The following GLCCI1 variants were observed in gnomAD, a reference collection of about 807,000 sequenced individuals.
GLCCI1 encodes the protein glucocorticoid-induced transcript 1 protein.
A neutral mutation model predicts 52.2 loss-of-function variants in GLCCI1; 24 were observed. The observed-to-expected ratio is 0.46, with a 90% confidence interval of 0.33 to 0.65. GLCCI1 has a LOEUF of 0.65. Ranked by LOEUF, GLCCI1 falls within the 30% of genes least tolerant of loss-of-function variation. GLCCI1 has a pLI of 0.02. For synonymous variants in GLCCI1, 310 were observed against 276.5 expected, an observed-to-expected ratio of 1.12 and a Z score of -1.20; for missense variants, 704 against 701.5, an observed-to-expected ratio of 1.00 and a Z score of -0.04.
chr7:8,002,015 C>A (rs1781058847), intron 1 of GLCCI1, among the ~76,000 whole-genome samples: 1 of 151,910 alleles, frequency 6.6e-6, no homozygotes, highest in Non-Finnish European at 1.5e-5. Flanking sequence ...TTAATGGGTG[C>A]AGCAAACCAA....
intron 1 of GLCCI1, chr7:7,982,027 A>C: frequency 2.2e-6 from 1 of 446,224 alleles, no homozygotes; most frequent in Non-Finnish European, 4.5e-6. Flanking sequence ...AAGAAGAAGA[A>C]AGCTGTTGGG....
chr7:7,972,903 GTT>G (rs1430856618), intron 1 of GLCCI1, among the ~76,000 whole-genome samples: 1 of 152,168 alleles, frequency 6.6e-6, no homozygotes, highest in Non-Finnish European at 1.5e-5. Context: ...CAGACATGGA[GTT>G]TTACAAATTG....
intron 3 of GLCCI1, among the ~76,000 whole-genome samples, chr7:8,040,446 T>C (rs1781972257): frequency 6.6e-6 from 1 of 151,386 alleles, no homozygotes; most frequent in Non-Finnish European, 1.5e-5. Context: ...TCTATGATCA[T>C]GCCACTGCAC....
chr7:8,069,313 A>G (rs1384655752), intron 5 of GLCCI1, among the ~76,000 whole-genome samples: 2 of 152,032 alleles, frequency 1.3e-5, no homozygotes, highest in Non-Finnish European at 2.9e-5. Context: ...CCTGGGGGAG[A>G]CAGACTGACC....
In GLCCI1 at chr7:8,010,923, A is replaced by AT. The variant is rs35809162; in HGVS notation, c.609+6874dup. Among the ~76,000 whole-genome samples, 617 of 150,182 alleles carry AT rather than the reference A, an allele frequency of 4.1e-3. 5 individuals carry two copies. Among genetic ancestry groups the AT allele is most frequent in the African/African-American group, 0.014 (571 of 40,890 alleles). On this transcript the variant is annotated intron_variant, in intron 2 of 7. Coordinates refer to ENST00000223145, the MANE Select transcript of GLCCI1 (RefSeq NM_138426.4). ...CTTATAACATATAAATCCCTACCTC[A>AT]TTTTTTTTTTCTATTTTTTAAGTTG...
rs1554257004 is a variant in GLCCI1 at position 7,969,360 on chromosome 7, G to A, written c.10G>A (p.Ala4Thr). 5 of 1,465,648 alleles carry A rather than the reference G, an allele frequency of 3.4e-6. No individual in the cohort carries two copies. In the Admixed American group the frequency reaches 1.0e-4, roughly 30 times the overall value. 90.8% of individuals were successfully genotyped at this position (1,465,648 alleles called of 1,614,324 possible). A position where few individuals can be genotyped will look rare whatever the true frequency, so the allele number is the denominator to read the frequency against. Residue 4 changes from alanine to threonine, a missense_variant, in exon 1 of 8, where the codon GCC becomes ACC. By Grantham distance (58) the Ala-to-Thr change is moderately conservative (BLOSUM62 0). Transcript: ENST00000223145. This position sits in a 1 kb window ranked among gnomAD's most constrained non-coding sequence, Gnocchi z 4.9. MST[A>T]SSSSSSSSSQ... ...GGCCCGCAGAGCCACCATGTCCACT[G>A]CCTCCTCCTCCTCCTCCTCCAGTTC...
intron 3 of GLCCI1, among the ~76,000 whole-genome samples, chr7:8,036,182 T>A (rs1319466840): frequency 6.6e-6 from 1 of 152,174 alleles, no homozygotes; most frequent in Non-Finnish European, 1.5e-5. Context: ...GGGAATGAGA[T>A]AAACTTCCTG....
chr7:7,969,920 A>G lies in GLCCI1; in HGVS notation c.457+113A>G. ...TGCTAGTGCATTATCGAAGGTGTGA[A>G]AGTGGCTTTGGGAATCTCACCCCCC... On this transcript the variant is annotated intron_variant, in intron 1 of 7. Transcript: ENST00000223145. This position sits in a 1 kb window ranked among gnomAD's most constrained non-coding sequence, Gnocchi z 4.9. 9.0e-7 allele frequency: 1 copy of G among 1,112,120 alleles called. No individual in the cohort carries two copies. 68.9% of individuals were successfully genotyped at this position (1,112,120 alleles called of 1,614,324 possible).
intron 5 of GLCCI1, among the ~76,000 whole-genome samples, chr7:8,065,302 G>C (rs1359839989): frequency 1.3e-5 from 2 of 152,106 alleles, no homozygotes; most frequent in Non-Finnish European, 2.9e-5. Flanking sequence ...GGAGCTTTTG[G>C]GTAGAGACTA....
At chr7:8,019,997 C>A (rs895233314) in intron 2 of GLCCI1, among the ~76,000 whole-genome samples, 1 of 152,096 alleles carries the variant, frequency 6.6e-6, no homozygotes, top group African/African-American at 2.4e-5. Context: ...AAATACTTTT[C>A]TTTCTTCAGT....
chr7:7,991,862 G>A (rs1780844200), intron 1 of GLCCI1, among the ~76,000 whole-genome samples: 1 of 151,986 alleles, frequency 6.6e-6, no homozygotes, highest in Non-Finnish European at 1.5e-5. Flanking sequence ...GTGAGTGTCA[G>A]GCTTGGAGGG....
intron 3 of GLCCI1, among the ~76,000 whole-genome samples, chr7:8,037,924 A>G (rs754142268): frequency 6.6e-6 from 1 of 152,204 alleles, no homozygotes; most frequent in Non-Finnish European, 1.5e-5. Flanking sequence ...AACAGATAGT[A>G]ATACAATAAT....
intron 3 of GLCCI1, among the ~76,000 whole-genome samples, chr7:8,042,028 A>G (rs1411068152): frequency 6.6e-6 from 1 of 152,212 alleles, no homozygotes. Context: ...ATCTATTTAC[A>G]ACATGGTTTA....
At chr7:7,970,722 G>A (rs964260787) in intron 1 of GLCCI1, among the ~76,000 whole-genome samples, 13 of 152,170 alleles carry the variant, frequency 8.5e-5, no homozygotes, top group African/African-American at 2.9e-4. Context: ...GCATGATTTA[G>A]TTGAGCCCTG....
chr7:8,061,618 C>G (rs988684050), intron 5 of GLCCI1, among the ~76,000 whole-genome samples: 7 of 144,798 alleles, frequency 4.8e-5, no homozygotes, highest in Non-Finnish European at 9.0e-5. Context: ...CATCAAGGAA[C>G]TCTTTGGACA....
chr7:8,022,998 G>A (rs932338027), intron 3 of GLCCI1, among the ~76,000 whole-genome samples: 3 of 152,104 alleles, frequency 2.0e-5, no homozygotes, highest in Non-Finnish European at 4.4e-5. Context: ...TACAATGGTA[G>A]GATAGTGTTT....
chr7:8,026,020 G>A lies in GLCCI1; in HGVS notation c.696+3451G>A, dbSNP rs572551768. 1.1e-4 allele frequency among the ~76,000 whole-genome samples: 16 copies of A among 152,314 alleles called. No individual in the cohort carries two copies. In the South Asian group the frequency reaches 2.1e-3, roughly 20 times the overall value. ...TTAGTTTGTATCCATAGGAAGAATT[G>A]AAGAATGCTGGGAATAGTAAATATG... On this transcript the variant is annotated intron_variant, in intron 3 of 7. Coordinates refer to ENST00000223145, the MANE Select transcript of GLCCI1 (RefSeq NM_138426.4).
intron 2 of GLCCI1, among the ~76,000 whole-genome samples, chr7:8,007,041 G>A (rs553261043): frequency 7.2e-4 from 110 of 152,260 alleles, no homozygotes; most frequent in African/African-American, 2.5e-3. Flanking sequence ...GGCTCATAAC[G>A]TCCATGCTCT....
chr7:8,078,108 C>G (rs531076094), intron 6 of GLCCI1, among the ~76,000 whole-genome samples: 38 of 150,778 alleles, frequency 2.5e-4, no homozygotes, highest in Admixed American at 4.0e-4. Flanking sequence ...GTGGCGGGCA[C>G]CTGTAGTCCC....
Sources: allele counts gnomAD v4.1 joint callset (sites outside exome capture counted in the v4.1 genomes callset), GRCh38; gene constraint gnomAD v4.1.1; non-coding constraint Gnocchi (gnomAD v3.1); transcripts MANE v1.5; gene names NCBI Gene and HGNC (gene_info 2026-07-23, HGNC 2026-07-21).